PTP4A3: variants seen among roughly 807,000 people sequenced by gnomAD.
PTP4A3 encodes protein tyrosine phosphatase type IVA 3.
Under a neutral mutation model 15.2 loss-of-function variants are expected in PTP4A3, and 9 were observed. The observed-to-expected ratio is 0.59, with a 90% CI of 0.36 to 1.03. The LOEUF (loss-of-function observed/expected upper bound fraction) is 1.03, where lower values mean the gene tolerates loss of function less well. Ranked by LOEUF, PTP4A3 falls within the 50% of genes least tolerant of loss-of-function variation. PTP4A3 has a pLI of 0.02. For synonymous variants in PTP4A3, 95 were observed against 102.0 expected (o/e 0.93, Z 0.41); for missense variants, 234 against 252.1 (o/e 0.93, Z 0.49).
At chr8:141,393,872 G>T (rs752498857) in intron 1 of PTP4A3, among the ~76,000 whole-genome samples, 16 of 152,354 alleles carry the variant, frequency 1.1e-4, no homozygotes, top group Non-Finnish European at 2.1e-4. Flanking sequence ...GGTCTTGGAG[G>T]CACCATGGGT....
intron 5 of PTP4A3, among the ~76,000 whole-genome samples, chr8:141,428,662 G>T (rs1301838282): frequency 1.3e-5 from 2 of 152,050 alleles, no homozygotes; most frequent in Non-Finnish European, 2.9e-5. Context: ...CTGTGGGTCT[G>T]TGCGAGAGCG....
At chr8:141,413,607 C>T (rs7845121) in intron 1 of PTP4A3, among the ~76,000 whole-genome samples, 33,647 of 152,166 alleles carry the variant, frequency 0.22, 4,502 homozygotes, top group East Asian at 0.6. Context: ...GGGTTAGGGC[C>T]GTCAGAACAC....
chr8:141,427,144 G>A, intron 4 of PTP4A3, 75 bp downstream of exon 4: 3 of 1,561,970 alleles, frequency 1.9e-6, no homozygotes, highest in Non-Finnish European at 2.6e-6. Flanking sequence ...CTCGCTTTTG[G>A]ATGTGGGTCT....
rs756987964 is a variant in PTP4A3, at chr8:141,427,062, C to T, written c.322C>T (p.Leu108=). ...SCVAVHCVAG[L]GRAPVLVALA... ...CGTGGCTGTGCACTGCGTGGCGGGC[C>T]TGGGCCGGTGAGTGTCGGGGCGGGG... The change falls in exon 4 of 6, where the codon CTG becomes TTG. Residue 108 remains leucine, a synonymous_variant. Coordinates refer to ENST00000521578, the MANE Select transcript of PTP4A3 (RefSeq NM_032611.3). 6.3e-7 allele frequency: 1 copy of T among 1,598,586 alleles called. No homozygotes were observed. The highest frequency in any genetic ancestry group is 8.5e-7 in the Non-Finnish European group (1 of 1,179,440).
intron 5 of PTP4A3, among the ~76,000 whole-genome samples, chr8:141,429,139 C>T (rs1833725895): frequency 1.3e-5 from 2 of 152,252 alleles, no homozygotes; most frequent in African/African-American, 2.4e-5. Context: ...TGTTGCGTGT[C>T]TGTTGGTGGG....
intron 1 of PTP4A3, among the ~76,000 whole-genome samples, chr8:141,417,688 G>C (rs1351845152): frequency 2.6e-5 from 4 of 152,008 alleles, no homozygotes; most frequent in Admixed American, 6.5e-5. Flanking sequence ...GAGGGGTCCC[G>C]GGCGGCAGCG....
intron 5 of PTP4A3, among the ~76,000 whole-genome samples, chr8:141,428,900 G>A (rs956072788): frequency 2.6e-5 from 4 of 152,308 alleles, no homozygotes; most frequent in East Asian, 1.9e-4. Flanking sequence ...ATGTACACAC[G>A]TGTGCACTCA....
intron 1 of PTP4A3, chr8:141,392,419 C>T (rs188781241): frequency 1.6e-4 from 24 of 152,372 alleles, no homozygotes; most frequent in African/African-American, 5.8e-4. Flanking sequence ...CTGAGTTCAT[C>T]CTGCGCAGGG....
intron 1 of PTP4A3, among the ~76,000 whole-genome samples, chr8:141,395,764 A>G (rs1368007790): frequency 1.3e-5 from 2 of 151,672 alleles, no homozygotes; most frequent in African/African-American, 4.9e-5. Context: ...GCCCCCGTTC[A>G]TCTACCCAGT....
chr8:141,392,610 G>C (rs1832317940), intron 1 of PTP4A3: 1 of 152,320 alleles, frequency 6.6e-6, no homozygotes, highest in Non-Finnish European at 1.5e-5. Flanking sequence ...GACCATACCA[G>C]TGTTGGGACT....
intron 1 of PTP4A3, among the ~76,000 whole-genome samples, chr8:141,417,771 G>T (rs555106444): frequency 6.6e-6 from 1 of 151,982 alleles, no homozygotes; most frequent in South Asian, 2.1e-4. Context: ...CGCCCTGCGC[G>T]GCCCCTTTGT....
intron 1 of PTP4A3, among the ~76,000 whole-genome samples, chr8:141,417,799 G>C (rs1241660283): frequency 6.6e-6 from 1 of 152,000 alleles, no homozygotes; most frequent in Admixed American, 6.5e-5. Flanking sequence ...GCAGGGCGCG[G>C]CTATATTTAG....
rs575461205 is a variant in PTP4A3, at chr8:141,426,266, C to T, written c.199-673C>T. Among the ~76,000 whole-genome samples, 16 of 152,342 alleles carry T rather than the reference C, an allele frequency of 1.1e-4. No homozygotes were observed. In the South Asian group the frequency reaches 3.3e-3, roughly 32 times the overall value. On this transcript the variant is annotated intron_variant, in intron 3 of 5. Coordinates refer to ENST00000521578, the MANE Select transcript of PTP4A3 (RefSeq NM_032611.3). ...ACGTGTCCACTCCTACTGCAGCGCC[C>T]TGGCCCGGGCCCTCCCCTAGGAAGA...
At chr8:141,426,555 C>G (rs888099702) in intron 3 of PTP4A3, 1 of 985,420 alleles carries the variant, frequency 1.0e-6, no homozygotes, top group Non-Finnish European at 1.2e-6. Context: ...CCAGCCGACC[C>G]AAAACCTCTC....
chr8:141,393,018 T>C (rs1832335815), intron 1 of PTP4A3, among the ~76,000 whole-genome samples: 1 of 152,134 alleles, frequency 6.6e-6, no homozygotes, highest in African/African-American at 2.4e-5. Context: ...CTGTGGACCC[T>C]GGGGGCCCTG....
At chr8:141,419,307 A>G (rs1289047042) in intron 1 of PTP4A3, among the ~76,000 whole-genome samples, 1 of 152,080 alleles carries the variant, frequency 6.6e-6, no homozygotes, top group Admixed American at 6.5e-5. Flanking sequence ...CCTCAGGGAG[A>G]GGCCCAATAC....
intron 1 of PTP4A3, among the ~76,000 whole-genome samples, chr8:141,393,589 A>T (rs1220035615): frequency 6.6e-6 from 1 of 152,214 alleles, no homozygotes; most frequent in Admixed American, 6.5e-5. Flanking sequence ...AGTCGGCGTG[A>T]TGGGAGAAAA....
At chr8:141,400,228 A>ACCTCTGCGCCTGGCCCG (rs1563724237) in intron 1 of PTP4A3, among the ~76,000 whole-genome samples, 2 of 150,198 alleles carry the variant, frequency 1.3e-5, no homozygotes, top group Non-Finnish European at 3.0e-5. Context: ...CGCCTGGCCC[A>ACCTCTGCGCCTGGCCCG]CCTCTGCGCC....
At chr8:141,405,385 G>A (rs1412002987) in intron 1 of PTP4A3, among the ~76,000 whole-genome samples, 1 of 152,168 alleles carries the variant, frequency 6.6e-6, no homozygotes, top group Non-Finnish European at 1.5e-5. Context: ...CCCAACCTCC[G>A]GGTCCCTGAG....
Sources: gnomAD v4.1 joint callset for allele counts (sites outside exome capture counted in the v4.1 genomes callset) on GRCh38, gnomAD v4.1.1 for gene constraint, MANE v1.5 for transcripts, NCBI Gene and HGNC (gene_info 2026-07-23, HGNC 2026-07-21) for gene names.